The following CNTNAP2 variants were observed in gnomAD, a reference collection of about 807,000 sequenced individuals.
The protein encoded by CNTNAP2 is contactin-associated protein-like 2.
Under a neutral mutation model 155.2 loss-of-function variants are expected in CNTNAP2, and 98 were observed. The ratio of observed to expected loss-of-function variants is 0.63; its 90% CI spans 0.54 to 0.75. CNTNAP2 has a LOEUF of 0.75. CNTNAP2 is among the 30% of genes least tolerant of loss of function. CNTNAP2 has a pLI of 0.00. For synonymous variants in CNTNAP2, 651 were observed against 631.2 expected (o/e 1.03, Z -0.47); for missense variants, 1,727 against 1,688.1 (o/e 1.02, Z -0.40).
At chr7:147,744,711 C>T (rs975468365) in intron 13 of CNTNAP2, among the ~76,000 whole-genome samples, 6 of 152,170 alleles carry the variant, frequency 3.9e-5, no homozygotes, top group Non-Finnish European at 7.3e-5. Context: ...GGCTTGCTGA[C>T]GGCTGCCTTC....
At chr7:148,092,418 G>A (rs545339220) in intron 15 of CNTNAP2, among the ~76,000 whole-genome samples, 5 of 152,240 alleles carry the variant, frequency 3.3e-5, no homozygotes, top group African/African-American at 1.2e-4. Context: ...TGGAGAGGCT[G>A]GTTGTGTTTT....
chr7:147,580,656 C>T (rs1039078691), intron 12 of CNTNAP2, among the ~76,000 whole-genome samples: 1 of 151,340 alleles, frequency 6.6e-6, no homozygotes, highest in African/African-American at 2.4e-5. Flanking sequence ...TGCTCTGTTG[C>T]CCAGGCTGAA....
intron 10 of CNTNAP2, among the ~76,000 whole-genome samples, chr7:147,401,804 C>T (rs1796918402): frequency 6.6e-6 from 1 of 152,178 alleles, no homozygotes; most frequent in Admixed American, 6.5e-5. Context: ...ATGTGCCTTG[C>T]TTCCCCTTTG....
At chr7:147,111,618 A>G (rs1800882037) in intron 5 of CNTNAP2, among the ~76,000 whole-genome samples, 1 of 152,166 alleles carries the variant, frequency 6.6e-6, no homozygotes, top group Non-Finnish European at 1.5e-5. Flanking sequence ...CATTTATTCA[A>G]TGAGGAATCC....
At chr7:147,328,521 C>A (rs1795501083) in intron 9 of CNTNAP2, among the ~76,000 whole-genome samples, 1 of 152,106 alleles carries the variant, frequency 6.6e-6, no homozygotes, top group Non-Finnish European at 1.5e-5. Context: ...ATTTAGAGGG[C>A]CGAGGCCAGA....
At chr7:147,586,306 T>A (rs6947944) in intron 12 of CNTNAP2, among the ~76,000 whole-genome samples, 1 of 151,122 alleles carries the variant, frequency 6.6e-6, no homozygotes, top group East Asian at 2.0e-4. Context: ...TTAAGGTCTG[T>A]GTTGATGTTA....
chr7:148,364,606 G>T (rs1294427800), intron 21 of CNTNAP2, among the ~76,000 whole-genome samples: 1 of 152,176 alleles, frequency 6.6e-6, no homozygotes, highest in Non-Finnish European at 1.5e-5. Context: ...CTCTGGTGGG[G>T]CCTTGGAGAA....
chr7:146,835,306 C>T (rs1039585811), intron 2 of CNTNAP2, among the ~76,000 whole-genome samples: 18 of 152,264 alleles, frequency 1.2e-4, no homozygotes, highest in African/African-American at 4.1e-4. Flanking sequence ...CAGACATTTT[C>T]TCACCTGTTA....
chr7:147,630,761 A>G (rs1022741750), intron 12 of CNTNAP2, among the ~76,000 whole-genome samples: 1 of 152,218 alleles, frequency 6.6e-6, no homozygotes, highest in African/African-American at 2.4e-5. Context: ...AGCATTTGAC[A>G]AAGTCCAGCA....
chr7:146,844,149 A>C (rs763531530), intron 3 of CNTNAP2, among the ~76,000 whole-genome samples: 3 of 152,132 alleles, frequency 2.0e-5, no homozygotes, highest in African/African-American at 7.2e-5. Flanking sequence ...GCAAAGAACA[A>C]GTCATATATA....
chr7:146,846,735 G>A (rs1803849027), intron 3 of CNTNAP2, among the ~76,000 whole-genome samples: 1 of 151,966 alleles, frequency 6.6e-6, no homozygotes, highest in South Asian at 2.1e-4. Flanking sequence ...CTAAAATTTG[G>A]AAGATAAAAA....
At position 147,083,535 on chromosome 7, in the gene CNTNAP2, T is replaced by C. The variant is rs371129006; in HGVS notation, c.551-24612T>C. ...GTAAACATCATTTTATATATATATA[T>C]ACATATATATATATGTATATATATA... On this transcript the variant is annotated intron_variant, in intron 4 of 23. Coordinates refer to ENST00000361727, the MANE Select transcript of CNTNAP2 (RefSeq NM_014141.6). 2.4e-4 allele frequency among the ~76,000 whole-genome samples: 19 copies of C among 78,146 alleles called. 1 individual carries two copies. The highest frequency in any genetic ancestry group is 5.1e-4 in the African/African-American group (12 of 23,376). 51.3% of individuals were successfully genotyped at this position (78,146 alleles called of 152,430 possible).
intron 15 of CNTNAP2, among the ~76,000 whole-genome samples, chr7:148,072,977 G>C (rs773019765): frequency 6.6e-6 from 1 of 152,038 alleles, no homozygotes; most frequent in Non-Finnish European, 1.5e-5. Flanking sequence ...CAAAGTACTG[G>C]GATTACAGGT....
chr7:148,324,143 C>T (rs1797849049), intron 21 of CNTNAP2, among the ~76,000 whole-genome samples: 1 of 152,110 alleles, frequency 6.6e-6, no homozygotes, highest in African/African-American at 2.4e-5. Flanking sequence ...CTTCGGCCCC[C>T]CAAAGTGCTA....
intron 16 of CNTNAP2, among the ~76,000 whole-genome samples, chr7:148,121,486 A>G (rs1331445546): frequency 6.6e-6 from 1 of 152,184 alleles, no homozygotes; most frequent in Non-Finnish European, 1.5e-5. Context: ...GGCCTCAGGA[A>G]ACGTTGATTC....
intron 15 of CNTNAP2, among the ~76,000 whole-genome samples, chr7:148,097,546 G>A (rs1159650690): frequency 2.6e-5 from 4 of 152,072 alleles, no homozygotes; most frequent in Non-Finnish European, 4.4e-5. Context: ...GTGCAGTGGC[G>A]CGATCTTGGC....
At chr7:147,507,265 A>G (rs1294254853) in intron 11 of CNTNAP2, among the ~76,000 whole-genome samples, 1 of 152,194 alleles carries the variant, frequency 6.6e-6, no homozygotes, top group Admixed American at 6.5e-5. Flanking sequence ...GTAGATAAGA[A>G]TGCAGGGGTA....
chr7:146,749,600 T>G (rs1051037352), intron 1 of CNTNAP2, among the ~76,000 whole-genome samples: 6 of 152,246 alleles, frequency 3.9e-5, no homozygotes, highest in African/African-American at 1.2e-4. Context: ...AATGTCACTA[T>G]GTTTTACAAA....
chr7:146,180,401 GTTAAAC>G (rs10591065), intron 1 of CNTNAP2, among the ~76,000 whole-genome samples: 43,548 of 138,052 alleles, frequency 0.32, 7,049 homozygotes, highest in African/African-American at 0.47. Flanking sequence ...TTTTAAAGTT[GTTAAAC>G]TTTAAGATAA....
Sources: allele counts gnomAD v4.1 joint callset (sites outside exome capture counted in the v4.1 genomes callset), GRCh38; gene constraint gnomAD v4.1.1; transcripts MANE v1.5; gene names NCBI Gene and HGNC (gene_info 2026-07-23, HGNC 2026-07-21).